The following ZDHHC19 variants were observed in gnomAD, a reference collection of about 807,000 sequenced individuals.
ZDHHC19 encodes the protein zDHHC palmitoyltransferase 19.
Under a neutral mutation model 33.9 loss-of-function variants are expected in ZDHHC19, and 30 were observed. That is an observed-to-expected ratio of 0.88 (90% CI 0.66 to 1.20). The LOEUF is 1.20. Ranked by LOEUF, ZDHHC19 falls within the 50% of genes most tolerant of loss-of-function variation. The pLI, the probability that ZDHHC19 is intolerant of heterozygous loss-of-function variation, is 0.00. For missense variants in ZDHHC19, 364 were observed against 401.1 expected (o/e 0.91, Z 0.79); for synonymous variants, 178 against 167.6 (o/e 1.06, Z -0.48).
In ZDHHC19 at chr3:196,208,311, C is replaced by G. The variant is rs763894873; in HGVS notation, c.581+77G>C. On this transcript the variant is annotated intron_variant, in intron 4 of 7. Transcript: ENST00000296326. Reference sequence around the variant, plus strand: ...AGGCGGCTTCTCCCTCTAGCCCCGCCCCCATAGCCCCGCCCTCTGCAGCCC... The same window carrying G: ...AGGCGGCTTCTCCCTCTAGCCCCGCGCCCATAGCCCCGCCCTCTGCAGCCC... 239 of 1,418,316 alleles carry G rather than the reference C, an allele frequency of 1.7e-4. 1 individual carries two copies. The highest frequency in any genetic ancestry group is 2.2e-4 in the Non-Finnish European group (229 of 1,055,012). 87.9% of individuals were successfully genotyped at this position (1,418,316 alleles called of 1,614,324 possible). A position where few individuals can be genotyped will look rare whatever the true frequency, so the allele number is the denominator to read the frequency against.
chr3:196,202,020 C>G (rs1050900428), intron 5 of ZDHHC19, among the ~76,000 whole-genome samples: 2 of 152,040 alleles, frequency 1.3e-5, no homozygotes, highest in Non-Finnish European at 2.9e-5. Flanking sequence ...ATTTTGGGGC[C>G]TTAAAAATGT....
Position 196,207,399 on chromosome 3 carries a change from T to G in ZDHHC19, c.686A>C (p.Lys229Thr). The change falls in exon 5 of 8, where the codon AAG becomes ACG. Residue 229 changes from lysine (K) to threonine (T), a missense_variant and splice_region_variant. Physicochemically the swap from Lys to Thr is moderately conservative, Grantham distance 78. Transcript: ENST00000296326. ...VSSADRTYKG[K>T]CRHLQGYNPF... ...CTGACCACCCGCGGCCCCGCGTACCTTGCCCTTGTAGGTGCGGTCGGCCGA... is the reference window on the plus strand; with the variant it reads ...CTGACCACCCGCGGCCCCGCGTACCGTGCCCTTGTAGGTGCGGTCGGCCGA... 6.4e-7 allele frequency: 1 copy of G among 1,557,732 alleles called. No individual in the cohort carries two copies. Among genetic ancestry groups the G allele is most frequent in the Non-Finnish European group, 8.7e-7 (1 of 1,151,696 alleles).
In ZDHHC19 at chr3:196,198,933, C is replaced by T. The variant is rs556295061; in HGVS notation, c.688-59G>A. 25 of 1,545,332 alleles carry T rather than the reference C, an allele frequency of 1.6e-5. No homozygotes were observed. In the South Asian group the frequency reaches 1.8e-4, roughly 11 times the overall value. ...GAACCAGCAGGAATGGCTGGGCCAT[C>T]GCCCAGTGGCCCTCCCTGAGCTGGT... is the stretch of plus-strand genomic sequence containing the variant. On this transcript the variant is annotated intron_variant, in intron 5 of 7. Transcript: ENST00000296326.
intron 5 of ZDHHC19, among the ~76,000 whole-genome samples, chr3:196,201,360 C>T (rs961290434): frequency 4.6e-5 from 7 of 151,582 alleles, no homozygotes; most frequent in African/African-American, 1.5e-4. Flanking sequence ...GCCACCGCAC[C>T]GGGCCAAAAC....
chr3:196,202,696 T>G (rs1468544330), intron 5 of ZDHHC19, among the ~76,000 whole-genome samples: 3 of 152,216 alleles, frequency 2.0e-5, no homozygotes, highest in Non-Finnish European at 4.4e-5. Flanking sequence ...AAGCTCAAGC[T>G]GCTGTGTGCG....
chr3:196,198,310 G>A lies in ZDHHC19; in HGVS notation c.915C>T (p.Thr305=). ...AGCTGCAGCCTCACCACGCCCCGGG[G>A]GTCCCTTCCCTGCTTTGTAGGGACC... ...TSGSLQSREG[T]PGAW Residue 305 remains threonine (T), a synonymous_variant, in exon 7 of 8, where the codon ACC becomes ACT. Transcript: ENST00000296326. 2.0e-6 allele frequency: 3 copies of A among 1,504,270 alleles called. No homozygotes were observed. The highest frequency in any genetic ancestry group is 2.7e-6 in the Non-Finnish European group (3 of 1,127,160). 93.2% of individuals were successfully genotyped at this position (1,504,270 alleles called of 1,614,324 possible). A position where few individuals can be genotyped will look rare whatever the true frequency, so the allele number is the denominator to read the frequency against.
intron 5 of ZDHHC19, among the ~76,000 whole-genome samples, chr3:196,200,263 G>A (rs1050012786): frequency 1.3e-5 from 2 of 148,336 alleles, no homozygotes; most frequent in African/African-American, 5.0e-5. Flanking sequence ...TGACAGAGTG[G>A]GACCCTGTCT....
chr3:196,208,027 C>G (rs1243356249), intron 4 of ZDHHC19, among the ~76,000 whole-genome samples: 2 of 151,448 alleles, frequency 1.3e-5, no homozygotes, highest in South Asian at 4.2e-4. Context: ...CCTCAGCCTT[C>G]CAGGTAGCTG....
chr3:196,198,257 G>GCA lies in ZDHHC19; in HGVS notation c.*19+17_*19+18dup, dbSNP rs749324064. ...CCTCCCGACACGCACAGACACCCAC[G>GCA]CACACACACGCTTCTTACCTCCTGG... On this transcript the variant is annotated intron_variant, in intron 7 of 7. Coordinates refer to ENST00000296326, the MANE Select transcript of ZDHHC19 (RefSeq NM_001039617.2). 5.4e-6 allele frequency: 8 copies of GCA among 1,474,190 alleles called. No homozygotes were observed. Among genetic ancestry groups the GCA allele is most frequent in the Non-Finnish European group, 7.2e-6 (8 of 1,113,116 alleles). The allele number at this position is 1,474,190 out of a possible 1,614,324, so 91.3% of individuals were successfully genotyped here. A position where few individuals can be genotyped will look rare whatever the true frequency, so the allele number is the denominator to read the frequency against.
In ZDHHC19 at chr3:196,211,388, C is replaced by T; in HGVS notation, c.-73G>A. 6.6e-7 allele frequency: 1 copy of T among 1,516,638 alleles called. No individual in the cohort carries two copies. Among genetic ancestry groups the T allele is most frequent in the Non-Finnish European group, 8.8e-7 (1 of 1,130,438 alleles). 93.9% of individuals were successfully genotyped at this position (1,516,638 alleles called of 1,614,324 possible). A position where few individuals can be genotyped will look rare whatever the true frequency, so the allele number is the denominator to read the frequency against. Reference sequence around the variant, plus strand: ...CTCCCCCAGCCCAGCTTCCAGAGCTCCATGGCCACGGCAGCCTCAGAGCCG... The same window carrying T: ...CTCCCCCAGCCCAGCTTCCAGAGCTTCATGGCCACGGCAGCCTCAGAGCCG... On this transcript the variant is annotated 5_prime_UTR_variant, in exon 1 of 8. Transcript: ENST00000296326.
chr3:196,209,286 C>T (rs1723021551), intron 3 of ZDHHC19, 90 bp downstream of exon 3: 6 of 1,471,484 alleles, frequency 4.1e-6, no homozygotes, highest in Admixed American at 2.4e-5. Context: ...AAAACAGCTT[C>T]ACACCCAGCC....
chr3:196,206,679 C>CTTTTTT (rs10578928), intron 5 of ZDHHC19, among the ~76,000 whole-genome samples: 2 of 112,792 alleles, frequency 1.8e-5, no homozygotes, highest in Non-Finnish European at 3.6e-5. Context: ...CTTTTCTTTT[C>CTTTTTT]TTTTTTTTTT....
chr3:196,205,037 T>C (rs1404789021), intron 5 of ZDHHC19, among the ~76,000 whole-genome samples: 2 of 151,916 alleles, frequency 1.3e-5, no homozygotes, highest in African/African-American at 4.8e-5. Flanking sequence ...ATCTGGGAGG[T>C]GGAGGTTGCA....
At chr3:196,210,291 AAGGAAG>A (rs1723138712) in intron 2 of ZDHHC19, among the ~76,000 whole-genome samples, 2 of 148,764 alleles carry the variant, frequency 1.3e-5, no homozygotes, top group African/African-American at 2.5e-5. Flanking sequence ...AGAAAGAAGG[AAGGAAG>A]GAAAGAGAGA....
chr3:196,210,410 A>G (rs13078578), intron 2 of ZDHHC19, among the ~76,000 whole-genome samples: 2 of 132,986 alleles, frequency 1.5e-5, no homozygotes, highest in African/African-American at 6.2e-5. Context: ...AGGGAGAGAG[A>G]GAGGAAGGAA....
At position 196,210,757 on chromosome 3, in the gene ZDHHC19, C is replaced by A. The variant is rs766921567; in HGVS notation, c.147-20G>T. ...CTGCAACTGAGACCAGAGGCAGGCT[C>A]GGTCCTGAGCAGGGGCAGCCCAAAG... On this transcript the variant is annotated intron_variant, in intron 1 of 7. Coordinates refer to ENST00000296326, the MANE Select transcript of ZDHHC19 (RefSeq NM_001039617.2). 2 of 1,610,554 alleles carry A rather than the reference C, an allele frequency of 1.2e-6. No individual in the cohort carries two copies. The highest frequency in any genetic ancestry group is 3.4e-5 in the Admixed American group (2 of 59,434).
At chr3:196,208,135 G>A (rs1722922563) in intron 4 of ZDHHC19, among the ~76,000 whole-genome samples, 1 of 151,814 alleles carries the variant, frequency 6.6e-6, no homozygotes, top group Admixed American at 6.6e-5. Flanking sequence ...TCGGGCTGAA[G>A]CGATCCTCCC....
At chr3:196,206,051 G>GTTGTT (rs112663079) in intron 5 of ZDHHC19, among the ~76,000 whole-genome samples, 34,234 of 151,284 alleles carry the variant, frequency 0.23, 3,968 homozygotes, top group East Asian at 0.36. Context: ...ACTTTCTGGG[G>GTTGTT]TTGTTTTGTT....
At chr3:196,210,359 AGAAG>A (rs939808880) in intron 2 of ZDHHC19, among the ~76,000 whole-genome samples, 10 of 133,978 alleles carry the variant, frequency 7.5e-5, no homozygotes, top group African/African-American at 2.1e-4. Flanking sequence ...AAAGAAAGAA[AGAAG>A]GAAGGAAGGA....
Sources: gnomAD v4.1 joint callset for allele counts (sites outside exome capture counted in the v4.1 genomes callset) on GRCh38, gnomAD v4.1.1 for gene constraint, MANE v1.5 for transcripts, NCBI Gene and HGNC (gene_info 2026-07-23, HGNC 2026-07-21) for gene names.